CNTNAP2: variants seen among roughly 807,000 people sequenced by gnomAD.
CNTNAP2 encodes the protein contactin-associated protein-like 2.
CNTNAP2 carries 98 observed loss-of-function variants against 155.2 expected under a neutral mutation model. The observed-to-expected ratio is 0.63, with a 90% confidence interval of 0.54 to 0.75. CNTNAP2 has a LOEUF of 0.75. CNTNAP2 is among the 30% of genes least tolerant of loss of function. CNTNAP2 has a pLI of 0.00. For missense variants in CNTNAP2, 1,727 were observed against 1,688.1 expected (o/e 1.02, Z -0.40); for synonymous variants, 651 against 631.2 (o/e 1.03, Z -0.47).
At chr7:146,353,381 C>T (rs1794951060) in intron 1 of CNTNAP2, among the ~76,000 whole-genome samples, 1 of 152,128 alleles carries the variant, frequency 6.6e-6, no homozygotes, top group Admixed American at 6.5e-5. Flanking sequence ...TCATATTTCA[C>T]TCTTTTCCCA....
intron 20 of CNTNAP2, among the ~76,000 whole-genome samples, chr7:148,243,286 A>G (rs770840357): frequency 6.6e-6 from 1 of 152,186 alleles, no homozygotes; most frequent in Non-Finnish European, 1.5e-5. Context: ...CTTAACCCCA[A>G]CAGTGGAACA....
At chr7:147,662,449 C>A (rs893248916) in intron 13 of CNTNAP2, among the ~76,000 whole-genome samples, 15 of 152,188 alleles carry the variant, frequency 9.9e-5, no homozygotes, top group African/African-American at 3.6e-4. Context: ...GCAGGAAATT[C>A]AGATAAAACT....
chr7:146,257,212 G>C (rs1439494058), intron 1 of CNTNAP2, among the ~76,000 whole-genome samples: 2 of 152,120 alleles, frequency 1.3e-5, no homozygotes, highest in Admixed American at 1.3e-4. Flanking sequence ...AATATAAAGG[G>C]GGAGATGAAT....
intron 22 of CNTNAP2, among the ~76,000 whole-genome samples, chr7:148,403,344 C>G (rs1009953687): frequency 3.9e-5 from 6 of 151,918 alleles, no homozygotes; most frequent in African/African-American, 1.5e-4. Context: ...AATATGTGGG[C>G]TTTTATAAGA....
chr7:147,332,263 GA>G (rs1795583786), intron 9 of CNTNAP2, among the ~76,000 whole-genome samples: 1 of 152,080 alleles, frequency 6.6e-6, no homozygotes, highest in African/African-American at 2.4e-5. Context: ...CAAACTTCAA[GA>G]AAAATAATTC....
intron 13 of CNTNAP2, among the ~76,000 whole-genome samples, chr7:147,868,697 C>T (rs969168575): frequency 6.6e-5 from 10 of 152,222 alleles, no homozygotes; most frequent in African/African-American, 2.4e-4. Flanking sequence ...CCACCCACAG[C>T]CAGGCTGCTG....
At chr7:146,856,297 G>GATAGATAGATAGATACATACATAC (rs869052895) in intron 3 of CNTNAP2, among the ~76,000 whole-genome samples, 2 of 116,652 alleles carry the variant, frequency 1.7e-5, no homozygotes, top group African/African-American at 6.6e-5. Context: ...TAGATAGATA[G>GATAGATAGATAGATACATACATAC]ATACATACAT....
intron 1 of CNTNAP2, among the ~76,000 whole-genome samples, chr7:146,483,281 AAATAT>A (rs1563101580): frequency 1.7e-5 from 1 of 58,030 alleles, no homozygotes; most frequent in Non-Finnish European, 3.3e-5. Flanking sequence ...GTCTAAAAAA[AAATAT>A]ATATATATAT....
At chr7:148,088,286 A>G (rs1803773526) in intron 15 of CNTNAP2, among the ~76,000 whole-genome samples, 1 of 152,058 alleles carries the variant, frequency 6.6e-6, no homozygotes, top group Non-Finnish European at 1.5e-5. Flanking sequence ...AACCTCTCCA[A>G]TAAACCCAAA....
chr7:147,066,740 A>G (rs942154939), intron 4 of CNTNAP2, among the ~76,000 whole-genome samples: 17 of 152,152 alleles, frequency 1.1e-4, no homozygotes, highest in African/African-American at 4.1e-4. Flanking sequence ...CATGGTGGGT[A>G]TTTATTTCCT....
chr7:147,733,877 CTT>C (rs1448427257), intron 13 of CNTNAP2, among the ~76,000 whole-genome samples: 3 of 151,150 alleles, frequency 2.0e-5, no homozygotes, highest in African/African-American at 4.9e-5. Flanking sequence ...TATCCTGAGA[CTT>C]TGCTGAAATT....
intron 1 of CNTNAP2, among the ~76,000 whole-genome samples, chr7:146,717,285 C>G (rs763039954): frequency 9.3e-5 from 14 of 151,284 alleles, no homozygotes; most frequent in Non-Finnish European, 1.8e-4. Flanking sequence ...GGTGGATCAC[C>G]TGAGGTCAGG....
chr7:148,047,200 A>C (rs1802790441), intron 15 of CNTNAP2, among the ~76,000 whole-genome samples: 1 of 152,228 alleles, frequency 6.6e-6, no homozygotes, highest in Admixed American at 6.5e-5. Context: ...ATGACCCATA[A>C]AATCACTGCA....
intron 14 of CNTNAP2, among the ~76,000 whole-genome samples, chr7:147,955,285 C>G (rs1053101086): frequency 6.6e-6 from 1 of 152,046 alleles, no homozygotes; most frequent in Non-Finnish European, 1.5e-5. Context: ...TTAAAACTGA[C>G]AAACTTTAAA....
intron 8 of CNTNAP2, among the ~76,000 whole-genome samples, chr7:147,258,469 T>C (rs1297019325): frequency 6.6e-6 from 1 of 152,156 alleles, no homozygotes; most frequent in Non-Finnish European, 1.5e-5. Context: ...CTTAGATTTT[T>C]TCCTTCACAT....
intron 21 of CNTNAP2, among the ~76,000 whole-genome samples, chr7:148,310,053 G>T (rs1797566394): frequency 6.6e-6 from 1 of 152,104 alleles, no homozygotes; most frequent in Admixed American, 6.6e-5. Flanking sequence ...AACATTTGTA[G>T]TGTAGAATTA....
At chr7:146,444,639 T>G (rs923280107) in intron 1 of CNTNAP2, among the ~76,000 whole-genome samples, 2 of 151,648 alleles carry the variant, frequency 1.3e-5, no homozygotes, top group Non-Finnish European at 2.9e-5. Context: ...ACATGCTTCA[T>G]AAATCCATAG....
At chr7:147,065,020 T>C (rs1354200869) in intron 4 of CNTNAP2, among the ~76,000 whole-genome samples, 1 of 152,190 alleles carries the variant, frequency 6.6e-6, no homozygotes, top group Admixed American at 6.5e-5. Flanking sequence ...ATACATGTTT[T>C]TCTTCTAATT....
Position 147,315,495 on chromosome 7 carries a change from T to TG in CNTNAP2, c.1498+15205_1498+15206insG, listed in dbSNP as rs1380155204. 2.7e-5 allele frequency among the ~76,000 whole-genome samples: 4 copies of TG among 149,084 alleles called. No individual in the cohort carries two copies. The East Asian group carries it at 7.8e-4, about 29-fold the overall frequency. On this transcript the variant is annotated intron_variant, in intron 9 of 23. Coordinates refer to ENST00000361727, the MANE Select transcript of CNTNAP2 (RefSeq NM_014141.6). ...ATTCTGGACTTTTTTTTTTTTTTTT[T>TG]TTTTGAGACAGAGTCTTGCTCTGTC... is the stretch of plus-strand genomic sequence containing the variant.
Sources: allele counts gnomAD v4.1 joint callset (sites outside exome capture counted in the v4.1 genomes callset), GRCh38; gene constraint gnomAD v4.1.1; transcripts MANE v1.5; gene names NCBI Gene and HGNC (gene_info 2026-07-23, HGNC 2026-07-21).